Variants in PRIM2 observed in about 807,000 individuals in gnomAD.
PRIM2 encodes the protein DNA primase subunit 2, also known as DNA primase large subunit.
In PRIM2, 39 loss-of-function variants were observed where a neutral mutation model predicts 67.3. The ratio of observed to expected loss-of-function variants is 0.58; its 90% CI spans 0.45 to 0.76. The LOEUF (loss-of-function observed/expected upper bound fraction) is 0.76. Ranked by LOEUF, PRIM2 falls within the 30% of genes least tolerant of loss-of-function variation. PRIM2 has a pLI of 0.00. For missense variants in PRIM2, 398 were observed against 598.7 expected, an observed-to-expected ratio of 0.66 and a Z score of 3.50; for synonymous variants, 143 against 198.7, an observed-to-expected ratio of 0.72 and a Z score of 2.36.
chr6:57,422,158 C>CTTT (rs575958629), intron 7 of PRIM2, among the ~76,000 whole-genome samples: 4 of 103,318 alleles, frequency 3.9e-5, no homozygotes, highest in East Asian at 2.8e-4. Context: ...TCTTTTCTTT[C>CTTT]TTTTTTTTTT....
At chr6:57,518,212 A>G (rs1774526501) in intron 8 of PRIM2, among the ~76,000 whole-genome samples, 1 of 152,206 alleles carries the variant, frequency 6.6e-6, no homozygotes, top group Non-Finnish European at 1.5e-5. Context: ...CTTACTGCAT[A>G]CATACAATCT....
At chr6:57,601,878 T>G (rs1776473520) in intron 11 of PRIM2, among the ~76,000 whole-genome samples, 1 of 152,132 alleles carries the variant, frequency 6.6e-6, no homozygotes, top group Admixed American at 6.5e-5. Flanking sequence ...AAACACTTTT[T>G]AAAAGACTGC....
chr6:57,427,394 CT>C (rs2127376574), intron 7 of PRIM2, among the ~76,000 whole-genome samples: 1 of 152,326 alleles, frequency 6.6e-6, no homozygotes, highest in African/African-American at 2.4e-5. Context: ...TCTCAGCTCA[CT>C]TCAACCTCCG....
At chr6:57,450,534 A>G (rs1321150684) in intron 7 of PRIM2, among the ~76,000 whole-genome samples, 1 of 152,202 alleles carries the variant, frequency 6.6e-6, no homozygotes, top group Non-Finnish European at 1.5e-5. Context: ...TGTTTAAACA[A>G]ATATTAAGTT....
the PRIM2 span, among the ~76,000 whole-genome samples, chr6:57,255,936 C>G: frequency 6.6e-6 from 1 of 152,106 alleles, no homozygotes; most frequent in African/African-American, 2.4e-5. Flanking sequence ...TTATCTATTA[C>G]ACAGTGCAGT....
chr6:57,563,430 C>A (rs1775678029), intron 10 of PRIM2, among the ~76,000 whole-genome samples: 1 of 151,860 alleles, frequency 6.6e-6, no homozygotes, highest in Non-Finnish European at 1.5e-5. Flanking sequence ...TCAGAAAAAG[C>A]AGCATTCTGT....
chr6:57,603,315 A>G (rs1776503970), intron 11 of PRIM2, among the ~76,000 whole-genome samples: 3 of 152,232 alleles, frequency 2.0e-5, no homozygotes, highest in Admixed American at 1.3e-4. Context: ...CAATCTACTG[A>G]TGAACCTATT....
intron 8 of PRIM2, among the ~76,000 whole-genome samples, chr6:57,531,861 A>G (rs1774898094): frequency 6.6e-6 from 1 of 152,120 alleles, no homozygotes; most frequent in Admixed American, 6.6e-5. Context: ...TACACTGTAA[A>G]ATGCTATTCA....
chr6:57,473,704 C>T (rs1346681177), intron 7 of PRIM2, among the ~76,000 whole-genome samples: 1 of 152,128 alleles, frequency 6.6e-6, no homozygotes, highest in Non-Finnish European at 1.5e-5. Context: ...TTTTCCTGAG[C>T]TTCTGTGATA....
At chr6:57,393,836 G>C (rs529714119) in intron 7 of PRIM2, among the ~76,000 whole-genome samples, 1 of 151,724 alleles carries the variant, frequency 6.6e-6, no homozygotes, top group African/African-American at 2.4e-5. Context: ...GTTGATTTTT[G>C]CATAAGGCGA....
intron 10 of PRIM2, among the ~76,000 whole-genome samples, chr6:57,551,094 T>G (rs1221596601): frequency 6.6e-6 from 1 of 152,248 alleles, no homozygotes; most frequent in Non-Finnish European, 1.5e-5. Context: ...GTTTGTTTAC[T>G]TCTATGTAAA....
intron 10 of PRIM2, among the ~76,000 whole-genome samples, chr6:57,562,886 C>T (rs1775665004): frequency 6.6e-6 from 1 of 152,204 alleles, no homozygotes; most frequent in Admixed American, 6.5e-5. Context: ...TATTGGTCCA[C>T]ACCATCACCA....
intron 7 of PRIM2, among the ~76,000 whole-genome samples, chr6:57,420,745 T>C (rs1161812233): frequency 6.6e-6 from 1 of 152,056 alleles, no homozygotes; most frequent in Non-Finnish European, 1.5e-5. Flanking sequence ...TTGGGGTGAA[T>C]TGGAGGAGGA....
the PRIM2 span, among the ~76,000 whole-genome samples, chr6:57,239,289 C>T: frequency 2.6e-5 from 4 of 152,170 alleles, no homozygotes; most frequent in Admixed American, 1.3e-4. Context: ...CCATGGCTGG[C>T]ATGTTCCTCT....
chr6:57,452,093 C>G (rs1291048162), intron 7 of PRIM2, among the ~76,000 whole-genome samples: 13 of 152,078 alleles, frequency 8.5e-5, no homozygotes, highest in African/African-American at 2.9e-4. Context: ...TCATCCATGT[C>G]CCTACAAAGG....
chr6:57,504,586 A>G (rs1356647541), intron 7 of PRIM2, among the ~76,000 whole-genome samples: 20 of 151,582 alleles, frequency 1.3e-4, no homozygotes, highest in Admixed American at 1.2e-3. Flanking sequence ...TTCCCATGAA[A>G]TAGCCCAAAC....
chr6:57,606,948 C>T (rs1776574186), intron 12 of PRIM2, among the ~76,000 whole-genome samples: 1 of 152,300 alleles, frequency 6.6e-6, no homozygotes, highest in African/African-American at 2.4e-5. Context: ...TGTCAAAATA[C>T]TTTGTCTTAT....
At chr6:57,249,934 C>G in the PRIM2 span, among the ~76,000 whole-genome samples, 17 of 152,294 alleles carry the variant, frequency 1.1e-4, no homozygotes, top group African/African-American at 3.1e-4. Flanking sequence ...CATGGCATTA[C>G]TACACCCTGC....
chr6:57,273,023 T>A, the PRIM2 span, among the ~76,000 whole-genome samples: 6 of 152,232 alleles, frequency 3.9e-5, no homozygotes, highest in African/African-American at 1.2e-4. Context: ...CTTCCCTTTG[T>A]GGGTAACCCG....
Sources: allele counts gnomAD v4.1 joint callset (sites outside exome capture counted in the v4.1 genomes callset), GRCh38; gene constraint gnomAD v4.1.1; transcripts MANE v1.5; gene names NCBI Gene and HGNC (gene_info 2026-07-23, HGNC 2026-07-21).